The following NDUFAF6 variants were observed in gnomAD, a reference collection of about 807,000 sequenced individuals.
NDUFAF6 encodes the protein NADH dehydrogenase (ubiquinone) complex I, assembly factor 6.
In NDUFAF6, 45 loss-of-function variants were observed where a neutral mutation model predicts 40.8. That is an observed-to-expected ratio of 1.10 (90% CI 0.87 to 1.42). The LOEUF (loss-of-function observed/expected upper bound fraction) is 1.42. NDUFAF6 is among the 40% of genes most tolerant of loss of function. The pLI is 0.00. For missense variants in NDUFAF6, 435 were observed against 418.5 expected (o/e 1.04, Z -0.34); for synonymous variants, 185 against 155.9 (o/e 1.19, Z -1.39).
downstream of NDUFAF6, among the ~76,000 whole-genome samples, chr8:95,059,401 G>A (rs1344617575): frequency 2.0e-5 from 3 of 152,154 alleles, no homozygotes; most frequent in African/African-American, 7.2e-5. Context: ...TTCTGATTGA[G>A]AGCAAGTAGA....
intron 1 of NDUFAF6, among the ~76,000 whole-genome samples, chr8:94,905,228 G>A (rs1027773914): frequency 9.2e-5 from 14 of 151,468 alleles, no homozygotes; most frequent in African/African-American, 3.2e-4. Flanking sequence ...CTTCTTTGTG[G>A]CAGGATTTTT....
intron 1 of NDUFAF6, among the ~76,000 whole-genome samples, chr8:94,900,798 T>C (rs1039904554): frequency 3.9e-5 from 6 of 152,116 alleles, no homozygotes; most frequent in Non-Finnish European, 2.9e-5. Flanking sequence ...TGATGCAAAA[T>C]ATAAGATGAT....
At chr8:94,953,278 C>T (rs575991119), upstream of NDUFAF6, among the ~76,000 whole-genome samples, 3 of 150,478 alleles carry the variant, frequency 2.0e-5, no homozygotes, top group Admixed American at 1.3e-4. Context: ...ACCGGGGAGG[C>T]GGAGGTTGCA....
At chr8:94,905,053 A>G (rs1818302914) in intron 1 of NDUFAF6, among the ~76,000 whole-genome samples, 1 of 152,064 alleles carries the variant, frequency 6.6e-6, no homozygotes, top group African/African-American at 2.4e-5. Flanking sequence ...CATAACAATT[A>G]TCTGGGCCCG....
intron 2 of NDUFAF6, among the ~76,000 whole-genome samples, chr8:95,090,928 C>T (rs764770717): frequency 4.6e-5 from 7 of 152,106 alleles, no homozygotes; most frequent in East Asian, 1.9e-4. Context: ...TTTTGAGACT[C>T]GGACTGCCTC....
In NDUFAF6 at chr8:94,922,972, A is replaced by T. The variant is rs183889930; in HGVS notation, c.-935-22511A>T. Among the ~76,000 whole-genome samples the T allele has an allele frequency of 7.5e-3, 1,135 of 151,726 alleles. 13 individuals are homozygous for T. The highest frequency in any genetic ancestry group is 0.026 in the African/African-American group (1,075 of 41,348). On this transcript the variant is annotated intron_variant, in intron 1 of 14. Transcript: ENST00000396113. ...CATGGCCGTGATCCCCACAAGAGTCATTTTTTTTTCCAGTTGCTCTTAGGC... is the reference window on the plus strand; with the variant it reads ...CATGGCCGTGATCCCCACAAGAGTCTTTTTTTTTTCCAGTTGCTCTTAGGC...
chr8:95,080,487 G>A (rs1030505075), downstream of NDUFAF6, among the ~76,000 whole-genome samples: 14 of 142,146 alleles, frequency 9.8e-5, no homozygotes, highest in African/African-American at 3.6e-4. Context: ...TTTTTGTAGT[G>A]ATTTTTGGTA....
chr8:94,946,283 G>A (rs1392824608), intron 2 of NDUFAF6, among the ~76,000 whole-genome samples: 1 of 152,032 alleles, frequency 6.6e-6, no homozygotes, highest in African/African-American at 2.4e-5. Flanking sequence ...AATACTCACG[G>A]GGAAGAGCAT....
intron 2 of NDUFAF6, among the ~76,000 whole-genome samples, chr8:94,946,911 A>G (rs1288322664): frequency 6.6e-6 from 1 of 152,144 alleles, no homozygotes; most frequent in Non-Finnish European, 1.5e-5. Context: ...GGTTCATTCA[A>G]AGCCAGTTGT....
chr8:95,007,384 G>A (rs181081508), intron 2 of NDUFAF6, among the ~76,000 whole-genome samples: 75 of 151,974 alleles, frequency 4.9e-4, no homozygotes, highest in Non-Finnish European at 8.7e-4. Context: ...AAATCCATGC[G>A]CCAGGCACAT....
chr8:94,959,080 G>A (rs535215051), intron 1 of NDUFAF6, among the ~76,000 whole-genome samples: 1 of 152,100 alleles, frequency 6.6e-6, no homozygotes, highest in Non-Finnish European at 1.5e-5. Flanking sequence ...CGGGAAAGAG[G>A]GGGTGATTGC....
intron 9 of NDUFAF6, among the ~76,000 whole-genome samples, chr8:95,074,857 G>A (rs1832983673): frequency 6.6e-6 from 1 of 152,130 alleles, no homozygotes; most frequent in Non-Finnish European, 1.5e-5. Flanking sequence ...GCCCATTGGA[G>A]AGCCCTTAGA....
At chr8:95,039,824 G>A (rs551060558) in intron 3 of NDUFAF6, among the ~76,000 whole-genome samples, 2 of 152,094 alleles carry the variant, frequency 1.3e-5, no homozygotes, top group African/African-American at 4.8e-5. Context: ...AGGTTGCTAT[G>A]TTGCCCAGGC....
At chr8:95,114,159 T>C (rs935821188) in intron 4 of NDUFAF6, among the ~76,000 whole-genome samples, 1 of 53,442 alleles carries the variant, frequency 1.9e-5, no homozygotes, top group African/African-American at 1.0e-4. Flanking sequence ...AGTATAATAA[T>C]AATAAAACAA....
At chr8:94,921,624 C>G (rs879428838) in intron 1 of NDUFAF6, among the ~76,000 whole-genome samples, 3 of 152,158 alleles carry the variant, frequency 2.0e-5, no homozygotes, top group Non-Finnish European at 4.4e-5. Flanking sequence ...GGCCAATGCT[C>G]TATACAATGC....
At chr8:94,911,599 T>C (rs1442929556) in intron 1 of NDUFAF6, among the ~76,000 whole-genome samples, 3 of 152,230 alleles carry the variant, frequency 2.0e-5, no homozygotes, top group Non-Finnish European at 4.4e-5. Context: ...TTAATCCTTT[T>C]AGAGACAAAG....
At chr8:95,004,349 CTTTTTT>C (rs11422482) in intron 2 of NDUFAF6, among the ~76,000 whole-genome samples, 14,726 of 92,394 alleles carry the variant, frequency 0.16, 939 homozygotes, top group Admixed American at 0.22. Flanking sequence ...CTCACCATTA[CTTTTTT>C]TTTTTTTTTT....
chr8:95,072,697 A>T (rs182917352), intron 9 of NDUFAF6: 1 of 152,474 alleles, frequency 6.6e-6, no homozygotes, highest in African/African-American at 2.4e-5. Flanking sequence ...CTAGTGGCCA[A>T]GTTGCCCTGA....
chr8:94,953,511 T>C (rs1586788171), upstream of NDUFAF6, among the ~76,000 whole-genome samples: 1 of 152,340 alleles, frequency 6.6e-6, no homozygotes, highest in Non-Finnish European at 1.5e-5. Flanking sequence ...TGTGACTCGT[T>C]CTTGGGGCGG....
Sources: allele counts gnomAD v4.1 joint callset (sites outside exome capture counted in the v4.1 genomes callset), GRCh38; gene constraint gnomAD v4.1.1; transcripts MANE v1.5; gene names NCBI Gene and HGNC (gene_info 2026-07-23, HGNC 2026-07-21).